LCOR: variants seen among roughly 807,000 people sequenced by gnomAD.
The protein encoded by LCOR is ligand-dependent corepressor.
A neutral mutation model predicts 64.4 loss-of-function variants in LCOR; 14 were observed. The ratio of observed to expected loss-of-function variants is 0.22; its 90% CI spans 0.14 to 0.34. The LOEUF is 0.34. Among genes scored for constraint, LCOR ranks in the 10% least tolerant of loss-of-function variants. The probability of loss-of-function intolerance (pLI) is 1.00; values close to 1 mark genes in which losing one functional copy is unlikely to be tolerated. For synonymous variants in LCOR, 643 were observed against 642.5 expected (o/e 1.00, Z -0.01); for missense variants, 1,686 against 1,765.3 (o/e 0.96, Z 0.80).
At position 96,982,970 on chromosome 10, in the gene LCOR, A is replaced by G. The variant is rs141363886; in HGVS notation, c.2510A>G (p.Asp837Gly). 90 of 1,612,898 alleles carry G rather than the reference A, an allele frequency of 5.6e-5. No homozygotes were observed. The African/African-American group carries it at 1.2e-3, about 21-fold the overall frequency. ...ADRCLRNQSS[D>G]SSSACLEIKV... The stretch of plus-strand genomic sequence containing the variant: ...AGATGCCTAAGAAATCAGAGTTCAG[A>G]TTCTTCCTCAGCTTGTCTTGAAATC... The change falls in exon 8 of 8, where the codon GAT becomes GGT. Residue 837 changes from aspartate to glycine, a missense_variant. Physicochemically the swap from Asp to Gly is moderately conservative, Grantham distance 94. Around this residue, in one of 3 missense-constraint regions of LCOR, gnomAD observed 1,293 missense variants for 1,410.4 expected, o/e 0.92. Coordinates refer to ENST00000421806, the MANE Select transcript of LCOR (RefSeq NM_001346516.2).
chr10:96,920,711 T>C (rs544248875), intron 4 of LCOR, among the ~76,000 whole-genome samples: 66 of 142,498 alleles, frequency 4.6e-4, no homozygotes, highest in African/African-American at 1.8e-3. Flanking sequence ...TATATGTGTG[T>C]ATATATGTAT....
chr10:96,924,012 A>T (rs1041804896), intron 4 of LCOR, among the ~76,000 whole-genome samples: 1 of 152,322 alleles, frequency 6.6e-6, no homozygotes, highest in Non-Finnish European at 1.5e-5. Flanking sequence ...TCGAGATATT[A>T]AGAGAAGTCT....
chr10:96,951,681 A>C (rs923810647), intron 6 of LCOR, among the ~76,000 whole-genome samples: 3 of 152,062 alleles, frequency 2.0e-5, no homozygotes, highest in Non-Finnish European at 2.9e-5. Context: ...TTTCAGGTAG[A>C]TTTAGCTCTT....
chr10:96,984,909 C>T lies in LCOR; in HGVS notation c.4449C>T (p.Ser1483=). Reference sequence around the variant, plus strand: ...AAGAGAATACAAACAAAAGGCCTTCCCAGTCTATTGCCTCGGAAACACTGA... The same window carrying T: ...AAGAGAATACAAACAAAAGGCCTTCTCAGTCTATTGCCTCGGAAACACTGA... ...KEKENTNKRP[S]QSIASETLTK... is the part of the protein sequence containing the mutation. Residue 1483 remains serine, a synonymous_variant, in exon 8 of 8, where the codon TCC becomes TCT. Coordinates refer to ENST00000421806, the MANE Select transcript of LCOR (RefSeq NM_001346516.2). 1 of 1,613,916 alleles carries T rather than the reference C, an allele frequency of 6.2e-7. No homozygotes were observed. Among genetic ancestry groups the T allele is most frequent in the Non-Finnish European group, 8.5e-7 (1 of 1,180,004 alleles).
At chr10:96,845,528 G>A (rs548520609) in intron 2 of LCOR, among the ~76,000 whole-genome samples, 12 of 129,798 alleles carry the variant, frequency 9.2e-5, no homozygotes, top group Admixed American at 6.5e-4. Context: ...GTGCAGTGGC[G>A]TGATCTTGGC....
rs527460695 is a variant in LCOR at position 96,846,661 on chromosome 10, T to C, written c.-330+13182T>C. On this transcript the variant is annotated intron_variant, in intron 2 of 7. Coordinates refer to ENST00000421806, the MANE Select transcript of LCOR (RefSeq NM_001346516.2). ...TGTATAACCAGTTTTTATTTGCGTA[T>C]ATATTTACTGTGTATAGCTTTTCAT... is the stretch of plus-strand genomic sequence containing the variant. 2.9e-4 allele frequency among the ~76,000 whole-genome samples: 44 copies of C among 152,362 alleles called. No individual in the cohort carries two copies. The East Asian group carries it at 7.5e-3, about 26-fold the overall frequency.
chr10:96,978,159 T>G lies in LCOR; in HGVS notation c.333-2634T>G, dbSNP rs978228896. On this transcript the variant is annotated intron_variant, in intron 7 of 7. Transcript: ENST00000421806. ...GGGTCCTTCAGCAGGGGCCTCCTCC[T>G]GCCTGTTCCATGAGCAGAAAAGTCT... Among the ~76,000 whole-genome samples the G allele has an allele frequency of 3.3e-5, 5 of 152,362 alleles. No homozygotes were observed. In the South Asian group the frequency reaches 8.3e-4, roughly 25 times the overall value.
intron 2 of LCOR, among the ~76,000 whole-genome samples, chr10:96,887,859 T>G (rs1846370622): frequency 6.6e-6 from 1 of 151,378 alleles, no homozygotes; most frequent in Non-Finnish European, 1.5e-5. Flanking sequence ...TTTTGTATTT[T>G]TAGTACAGAC....
At chr10:96,884,391 A>T (rs967309258) in intron 2 of LCOR, among the ~76,000 whole-genome samples, 20 of 152,240 alleles carry the variant, frequency 1.3e-4, no homozygotes, top group African/African-American at 4.3e-4. Flanking sequence ...GTATCTTTGG[A>T]TTCTTTTGCA....
chr10:96,986,451 T>C lies in LCOR; in HGVS notation c.*1317T>C, dbSNP rs963473527. ...GTTCAGCTGTATGCTCCAATGTGAA[T>C]GTACTTGTTGGAGTAGACGTTCATT... is the stretch of plus-strand genomic sequence containing the variant. On this transcript the variant is annotated 3_prime_UTR_variant, in exon 8 of 8. Transcript: ENST00000421806. 1 of 152,404 alleles carries C rather than the reference T, an allele frequency of 6.6e-6. No individual in the cohort carries two copies. The highest frequency in any genetic ancestry group is 3.4e-3 in the Middle Eastern group (1 of 294). The allele number at this position is 152,404 out of a possible 1,614,324, so 9.4% of individuals were successfully genotyped here.
chr10:96,838,223 T>G (rs1845479512), intron 2 of LCOR, among the ~76,000 whole-genome samples: 1 of 152,220 alleles, frequency 6.6e-6, no homozygotes, highest in Non-Finnish European at 1.5e-5. Context: ...AACAACTTAG[T>G]GGGTTTCAGT....
intron 2 of LCOR, among the ~76,000 whole-genome samples, chr10:96,883,740 C>A (rs950409631): frequency 5.3e-5 from 8 of 152,146 alleles, no homozygotes; most frequent in Non-Finnish European, 8.8e-5. Context: ...GAATAACAGG[C>A]CTTTATCAGA....
chr10:96,853,074 T>G (rs752622276), intron 2 of LCOR, among the ~76,000 whole-genome samples: 71 of 152,194 alleles, frequency 4.7e-4, no homozygotes, highest in Non-Finnish European at 7.9e-4. Flanking sequence ...TGAGGTGGAG[T>G]CTCGCTCTGT....
In LCOR at chr10:96,986,649, G is replaced by T. The variant is rs1848152176; in HGVS notation, c.*1515G>T. ...GCATTGGCTTCAACCTAGTGCCTGT[G>T]ACCTTGCTCCATTATTATAGTGCAG... On this transcript the variant is annotated 3_prime_UTR_variant, in exon 8 of 8. Transcript: ENST00000421806. The T allele has an allele frequency of 6.6e-6, 1 of 152,202 alleles. No homozygotes were observed. Among genetic ancestry groups the T allele is most frequent in the Non-Finnish European group, 1.5e-5 (1 of 68,046 alleles). 9.4% of individuals were successfully genotyped at this position (152,202 alleles called of 1,614,324 possible).
intron 4 of LCOR, among the ~76,000 whole-genome samples, chr10:96,927,942 C>G (rs1349431480): frequency 2.0e-5 from 3 of 152,148 alleles, no homozygotes. Context: ...TGTGCAATAG[C>G]ATTATATATA....
At chr10:96,948,815 G>T (rs1312267035) in intron 5 of LCOR, among the ~76,000 whole-genome samples, 193 bp from the exon 6 acceptor site, 1 of 151,826 alleles carries the variant, frequency 6.6e-6, no homozygotes, top group Non-Finnish European at 1.5e-5. Flanking sequence ...AAGATGTTTA[G>T]AATTATTTTA....
intron 2 of LCOR, among the ~76,000 whole-genome samples, chr10:96,881,482 G>A (rs1846262116): frequency 2.0e-5 from 3 of 151,216 alleles, no homozygotes; most frequent in Non-Finnish European, 2.9e-5. Flanking sequence ...TTGAGATGGA[G>A]TTTTGCTCTT....
At chr10:96,966,660 G>C (rs1847954169) in intron 7 of LCOR, among the ~76,000 whole-genome samples, 1 of 152,156 alleles carries the variant, frequency 6.6e-6, no homozygotes, top group African/African-American at 2.4e-5. Flanking sequence ...AAGAGTTCTT[G>C]TTATATTTCA....
chr10:96,839,201 A>G (rs952047184), intron 2 of LCOR, among the ~76,000 whole-genome samples: 11 of 152,128 alleles, frequency 7.2e-5, no homozygotes, highest in South Asian at 2.1e-4. Flanking sequence ...GCCCATTTTT[A>G]AAATTGGGTT....
Sources: allele counts gnomAD v4.1 joint callset (sites outside exome capture counted in the v4.1 genomes callset), GRCh38; gene constraint gnomAD v4.1.1; regional missense constraint gnomAD v4.1.1; transcripts MANE v1.5; gene names NCBI Gene and HGNC (gene_info 2026-07-23, HGNC 2026-07-21).